CSNK1G2: variants seen among roughly 807,000 people sequenced by gnomAD.
CSNK1G2 encodes the protein casein kinase 1 gamma 2.
A neutral mutation model predicts 48.0 loss-of-function variants in CSNK1G2; 11 were observed. The observed-to-expected ratio is 0.23, with a 90% CI of 0.14 to 0.38. CSNK1G2 has a LOEUF of 0.38. Among genes scored for constraint, CSNK1G2 ranks in the 10% least tolerant of loss-of-function variants. The pLI, the probability that CSNK1G2 is intolerant of heterozygous loss-of-function variation, is 1.00. For synonymous variants in CSNK1G2, 337 were observed against 254.1 expected (o/e 1.33, Z -3.10); for missense variants, 446 against 595.5 (o/e 0.75, Z 2.61).
At chr19:1,975,771 C>A (rs1852004175) in intron 2 of CSNK1G2, 1 of 985,406 alleles carries the variant, frequency 1.0e-6, no homozygotes, top group East Asian at 1.1e-4. Flanking sequence ...CACAGTGGCT[C>A]ACGCCTGTAA....
chr19:1,942,354 T>C (rs939681895), intron 1 of CSNK1G2: 1 of 152,408 alleles, frequency 6.6e-6, no homozygotes, highest in Non-Finnish European at 1.5e-5. Context: ...TGAGCCAGAA[T>C]GGCTTTGGGA....
At chr19:1,963,700 G>T (rs2015274748) in intron 1 of CSNK1G2, among the ~76,000 whole-genome samples, 1 of 151,812 alleles carries the variant, frequency 6.6e-6, no homozygotes, top group Admixed American at 6.6e-5. Flanking sequence ...TAGGGACAGG[G>T]TTTCACCATG....
At position 1,979,640 on chromosome 19, in the gene CSNK1G2, C is replaced by T. The variant is rs1195791265; in HGVS notation, c.999C>T (p.Pro333=). ...FDYEYDWAGK[P]LPTPIGTVHT... ...ATGAGTACGACTGGGCCGGGAAGCC[C>T]CTGGTAGGTGGGGGGGTGCCGGTAT... Residue 333 remains proline (P), a synonymous_variant, in exon 9 of 12, where the codon CCC becomes CCT. Coordinates refer to ENST00000255641, the MANE Select transcript of CSNK1G2 (RefSeq NM_001319.7). The T allele has an allele frequency of 1.9e-6, 3 of 1,603,154 alleles. No individual in the cohort carries two copies. The highest frequency in any genetic ancestry group is 2.5e-6 in the Non-Finnish European group (3 of 1,179,808).
At chr19:1,970,785 T>C (rs1467739425) in intron 2 of CSNK1G2, among the ~76,000 whole-genome samples, 1 of 152,172 alleles carries the variant, frequency 6.6e-6, no homozygotes, top group Non-Finnish European at 1.5e-5. Flanking sequence ...CCCCAGTCAG[T>C]GTCTGTCGTG....
intron 1 of CSNK1G2, chr19:1,959,445 C>T (rs1178946677): frequency 6.2e-6 from 1 of 160,148 alleles, no homozygotes; most frequent in East Asian, 1.9e-4. Flanking sequence ...AGCACAGACC[C>T]TACAGGCTGC....
chr19:1,959,755 GTGGGTCCCCCAGCACCCGTC>G lies in CSNK1G2; in HGVS notation c.-265-9752_-265-9733del, dbSNP rs2015133602. ...CACCTGTGCCACCTTTAGTGCCACC[GTGGGTCCCCCAGCACCCGTC>G]CCACCTTTAGTGCCACCCTGGGTCC... On this transcript the variant is annotated intron_variant, in intron 1 of 11. Transcript: ENST00000255641. Among the ~76,000 whole-genome samples, 13 of 47,994 alleles carry G rather than the reference GTGGGTCCCCCAGCACCCGTC, an allele frequency of 2.7e-4. 1 individual carries two copies. Among genetic ancestry groups the G allele is most frequent in the East Asian group, 2.5e-3 (3 of 1,196 alleles). 31.5% of individuals were successfully genotyped at this position (47,994 alleles called of 152,430 possible).
At chr19:1,946,267 T>TTTATTTATTTAG (rs2014553709) in intron 1 of CSNK1G2, among the ~76,000 whole-genome samples, 1 of 125,990 alleles carries the variant, frequency 7.9e-6, no homozygotes, top group African/African-American at 2.6e-5. Context: ...TATTTATTCG[T>TTTATTTATTTAG]TTATTTATTT....
At chr19:1,950,331 G>A (rs1248731386) in intron 1 of CSNK1G2, among the ~76,000 whole-genome samples, 6 of 147,130 alleles carry the variant, frequency 4.1e-5, no homozygotes, top group Non-Finnish European at 8.9e-5. Context: ...AGTAGAGACG[G>A]GGTTTCACTG....
chr19:1,970,477 A>G (rs901344664), intron 2 of CSNK1G2, among the ~76,000 whole-genome samples: 1 of 152,194 alleles, frequency 6.6e-6, no homozygotes, highest in African/African-American at 2.4e-5. Context: ...CCTTCTGCTC[A>G]CACCAACCTC....
At position 1,978,841 on chromosome 19, in the gene CSNK1G2, C is replaced by T. The variant is rs530717617; in HGVS notation, c.448-18C>T. On this transcript the variant is annotated intron_variant, in intron 5 of 11. Transcript: ENST00000255641. The surrounding 1 kb of genome is among the most constrained non-coding windows in gnomAD (Gnocchi z 7.3). Reference sequence around the variant, plus strand: ...GGACGGGGAGGGGCCCGGCCGACACCGCCGTGCCCCCCTGCAGATCACGCG... The same window carrying T: ...GGACGGGGAGGGGCCCGGCCGACACTGCCGTGCCCCCCTGCAGATCACGCG... 4.0e-5 allele frequency: 64 copies of T among 1,594,476 alleles called. 1 individual carries two copies. Among genetic ancestry groups the T allele is most frequent in the South Asian group, 3.8e-4 (34 of 90,326 alleles).
chr19:1,963,902 T>G (rs1198719249), intron 1 of CSNK1G2, among the ~76,000 whole-genome samples: 2 of 147,818 alleles, frequency 1.4e-5, no homozygotes, highest in Non-Finnish European at 3.0e-5. Context: ...CTGCAACCTC[T>G]GCCTCCTGGG....
chr19:1,959,709 G>A (rs183201648), intron 1 of CSNK1G2, among the ~76,000 whole-genome samples: 1 of 52,132 alleles, frequency 1.9e-5, no homozygotes, highest in Non-Finnish European at 3.0e-5. Context: ...CCCACCTTTA[G>A]TGCCACCCTG....
At position 1,980,415 on chromosome 19, in the gene CSNK1G2, A is replaced by G; in HGVS notation, c.*212A>G. ...ATGTAAGACTTTGGCCGAAATTTCT[A>G]CACCTGTGTCTAGTCCTCCCCTCCA... On this transcript the variant is annotated 3_prime_UTR_variant, in exon 12 of 12. Coordinates refer to ENST00000255641, the MANE Select transcript of CSNK1G2 (RefSeq NM_001319.7). 1.6e-6 allele frequency: 1 copy of G among 635,376 alleles called. No homozygotes were observed. The highest frequency in any genetic ancestry group is 2.8e-6 in the Non-Finnish European group (1 of 357,350). The allele number at this position is 635,376 out of a possible 1,614,324, so 39.4% of individuals were successfully genotyped here.
intron 1 of CSNK1G2, among the ~76,000 whole-genome samples, chr19:1,962,932 C>T (rs1026747924): frequency 2.0e-5 from 3 of 152,128 alleles, no homozygotes; most frequent in South Asian, 2.1e-4. Flanking sequence ...CCCAGATGGC[C>T]GTCAGCAGAG....
intron 1 of CSNK1G2, among the ~76,000 whole-genome samples, chr19:1,945,796 T>C (rs1599277907): frequency 7.3e-6 from 1 of 137,510 alleles, no homozygotes; most frequent in African/African-American, 2.8e-5. Context: ...CACTCCAGCC[T>C]GGGCAACAGA....
intron 1 of CSNK1G2, chr19:1,953,374 G>T (rs760802705): frequency 1.9e-6 from 1 of 533,778 alleles, no homozygotes; most frequent in Non-Finnish European, 3.8e-6. Flanking sequence ...GCCTGGGTGG[G>T]GGTGTTCTCA....
chr19:1,970,508 G>C (rs969449909), intron 2 of CSNK1G2, among the ~76,000 whole-genome samples: 1 of 152,214 alleles, frequency 6.6e-6, no homozygotes, highest in Non-Finnish European at 1.5e-5. Flanking sequence ...GGGTCTGATT[G>C]CCCGGGCAGG....
At chr19:1,976,063 AAAAAT>A in intron 2 of CSNK1G2, 1 of 1,289,398 alleles carries the variant, frequency 7.8e-7, no homozygotes, top group Non-Finnish European at 1.0e-6. Flanking sequence ...AAATCCCTCT[AAAAAT>A]AAAATGGACC....
At chr19:1,976,025 ACT>A (rs1458867644) in intron 2 of CSNK1G2, 51 of 1,272,492 alleles carry the variant, frequency 4.0e-5, no homozygotes, top group South Asian at 1.2e-4. Context: ...ACAGAACGAG[ACT>A]CTGCTCCAAA....
Sources: allele counts gnomAD v4.1 joint callset (sites outside exome capture counted in the v4.1 genomes callset), GRCh38; gene constraint gnomAD v4.1.1; non-coding constraint Gnocchi (gnomAD v3.1); transcripts MANE v1.5; gene names NCBI Gene and HGNC (gene_info 2026-07-23, HGNC 2026-07-21).